The following MEGF11 variants were observed in gnomAD, a reference collection of about 807,000 sequenced individuals.
The protein encoded by MEGF11 is multiple EGF like domains 11.
In MEGF11, 126 loss-of-function variants were observed where a neutral mutation model predicts 146.6. That is an observed-to-expected ratio of 0.86 (90% CI 0.74 to 1.00). The LOEUF (loss-of-function observed/expected upper bound fraction) is 1.00. Ranked by LOEUF, MEGF11 falls within the 50% of genes least tolerant of loss-of-function variation. MEGF11 has a pLI of 0.00. For synonymous variants in MEGF11, 532 were observed against 583.4 expected (o/e 0.91, Z 1.27); for missense variants, 1,509 against 1,521.2 (o/e 0.99, Z 0.13).
chr15:66,037,449 C>G (rs183381997), intron 5 of MEGF11, among the ~76,000 whole-genome samples: 194 of 152,304 alleles, frequency 1.3e-3, no homozygotes, highest in African/African-American at 4.4e-3. Context: ...GTTTCCTTAG[C>G]TGTAGATAAG....
chr15:66,132,863 C>G (rs745622155), intron 1 of MEGF11, among the ~76,000 whole-genome samples: 2 of 152,196 alleles, frequency 1.3e-5, no homozygotes, highest in Non-Finnish European at 2.9e-5. Flanking sequence ...TACCATGCCA[C>G]TAGAACATAT....
intron 4 of MEGF11, among the ~76,000 whole-genome samples, chr15:66,117,052 G>A (rs2087763399): frequency 6.6e-6 from 1 of 152,202 alleles, no homozygotes; most frequent in Non-Finnish European, 1.5e-5. Flanking sequence ...TCAAATGAGA[G>A]AAATAAGGAT....
At chr15:65,956,394 T>C (rs1174582281) in intron 10 of MEGF11, among the ~76,000 whole-genome samples, 2 of 152,204 alleles carry the variant, frequency 1.3e-5, no homozygotes, top group African/African-American at 4.8e-5. Context: ...CCTGCTAGAA[T>C]GCACTCTATA....
intron 1 of MEGF11, among the ~76,000 whole-genome samples, chr15:66,171,882 G>A (rs1168221949): frequency 6.6e-6 from 1 of 151,958 alleles, no homozygotes; most frequent in African/African-American, 2.4e-5. Context: ...ATCTTTCTTG[G>A]TTAAGGATTG....
intron 1 of MEGF11, among the ~76,000 whole-genome samples, chr15:66,241,967 A>T (rs533221754): frequency 3.5e-4 from 53 of 152,374 alleles, no homozygotes; most frequent in Admixed American, 3.3e-4. Context: ...ACACAAACAC[A>T]AATACAAACA....
chr15:66,248,428 A>G (rs1031897710), intron 1 of MEGF11, among the ~76,000 whole-genome samples: 1 of 152,216 alleles, frequency 6.6e-6, no homozygotes, highest in Non-Finnish European at 1.5e-5. Context: ...AACCATTATA[A>G]AAGATATATA....
intron 4 of MEGF11, among the ~76,000 whole-genome samples, chr15:66,115,581 A>C (rs949376956): frequency 6.6e-6 from 1 of 152,086 alleles, no homozygotes; most frequent in African/African-American, 2.4e-5. Context: ...CCTTATTTGG[A>C]GATAGGGTCT....
intron 2 of MEGF11, among the ~76,000 whole-genome samples, chr15:66,127,031 T>C (rs1299377983): frequency 6.6e-6 from 1 of 152,242 alleles, no homozygotes; most frequent in African/African-American, 2.4e-5. Context: ...CTGACGCTTA[T>C]GGCCCTCAAA....
intron 5 of MEGF11, among the ~76,000 whole-genome samples, chr15:66,010,566 G>A (rs1447946501): frequency 6.6e-6 from 1 of 152,108 alleles, no homozygotes; most frequent in African/African-American, 2.4e-5. Flanking sequence ...GGCTGCATGC[G>A]GCCCATGGAC....
At chr15:66,176,879 A>G (rs1355687084) in intron 1 of MEGF11, among the ~76,000 whole-genome samples, 1 of 147,520 alleles carries the variant, frequency 6.8e-6, no homozygotes, top group Non-Finnish European at 1.5e-5. Flanking sequence ...GGAACAGTCA[A>G]GCTAACAATC....
In MEGF11 at chr15:65,909,098, G is replaced by A. The variant is rs930791656; in HGVS notation, c.2934C>T (p.Tyr978=). The change falls in exon 23 of 26, where the codon TAC becomes TAT. Residue 978 remains tyrosine, a synonymous_variant. Coordinates refer to ENST00000395614, the MANE Select transcript of MEGF11 (RefSeq NM_001385028.1). ...HFQISALEAR[Y]PPEDFYIELR... ...GTTCAATGTAGAAGTCCTCGGGCGGGTACCTGGCCTCCAGGGCACTGATCT... is the reference window on the plus strand; with the variant it reads ...GTTCAATGTAGAAGTCCTCGGGCGGATACCTGGCCTCCAGGGCACTGATCT... The A allele has an allele frequency of 5.2e-6, 8 of 1,535,764 alleles. No individual in the cohort carries two copies. Among genetic ancestry groups the A allele is most frequent in the African/African-American group, 4.1e-5 (3 of 72,978 alleles).
intron 5 of MEGF11, among the ~76,000 whole-genome samples, chr15:66,017,894 A>G (rs1272364715): frequency 2.6e-5 from 4 of 152,226 alleles, no homozygotes; most frequent in Non-Finnish European, 1.5e-5. Flanking sequence ...CCAGGAAGAC[A>G]GAGAGATGAG....
At chr15:66,099,125 C>T (rs2086671125) in intron 4 of MEGF11, among the ~76,000 whole-genome samples, 2 of 151,938 alleles carry the variant, frequency 1.3e-5, no homozygotes, top group African/African-American at 2.4e-5. Flanking sequence ...TCCTGGGTTG[C>T]AGGACTGGGG....
chr15:66,090,365 T>A (rs2086272697), intron 5 of MEGF11, among the ~76,000 whole-genome samples: 1 of 152,240 alleles, frequency 6.6e-6, no homozygotes, highest in Admixed American at 6.5e-5. Flanking sequence ...ACAGCATTTT[T>A]ACACAGGGCC....
intron 1 of MEGF11, among the ~76,000 whole-genome samples, chr15:66,151,345 G>A (rs1261293994): frequency 6.6e-6 from 1 of 152,122 alleles, no homozygotes; most frequent in African/African-American, 2.4e-5. Context: ...GAGCCACGTG[G>A]GGCTGAGCCA....
intron 10 of MEGF11, among the ~76,000 whole-genome samples, chr15:65,938,837 G>A (rs904079843): frequency 6.6e-6 from 1 of 152,138 alleles, no homozygotes; most frequent in Non-Finnish European, 1.5e-5. Context: ...GACCCCGGTG[G>A]GTAATGAGTT....
chr15:65,901,780 A>G (rs2078501526), intron 24 of MEGF11: 1 of 152,218 alleles, frequency 6.6e-6, no homozygotes, highest in Non-Finnish European at 1.5e-5. Context: ...TGTAGCACGT[A>G]TAGTCTTCAT....
intron 24 of MEGF11, among the ~76,000 whole-genome samples, chr15:65,904,948 A>C (rs1444951912): frequency 6.6e-6 from 1 of 152,210 alleles, no homozygotes; most frequent in Non-Finnish European, 1.5e-5. Context: ...GCTGGAGTGC[A>C]GTGGCACGAT....
intron 5 of MEGF11, among the ~76,000 whole-genome samples, chr15:66,030,153 T>C (rs1313931847): frequency 6.6e-6 from 1 of 152,194 alleles, no homozygotes; most frequent in Admixed American, 6.5e-5. Flanking sequence ...CAGACATGAC[T>C]TCTCGTGCAC....
Sources: allele counts gnomAD v4.1 joint callset (sites outside exome capture counted in the v4.1 genomes callset), GRCh38; gene constraint gnomAD v4.1.1; transcripts MANE v1.5; gene names NCBI Gene and HGNC (gene_info 2026-07-23, HGNC 2026-07-21).